The following CDH13 variants were observed in gnomAD, a reference collection of about 807,000 sequenced individuals.
CDH13 encodes cadherin-13.
In CDH13, 24 loss-of-function variants were observed where a neutral mutation model predicts 63.8. That is an observed-to-expected ratio of 0.38 (90% CI 0.27 to 0.53). The LOEUF (loss-of-function observed/expected upper bound fraction) is 0.53, where lower values mean the gene tolerates loss of function less well. Ranked by LOEUF, CDH13 falls within the 20% of genes least tolerant of loss-of-function variation. CDH13 has a pLI of 0.85. For missense variants in CDH13, 1,049 were observed against 903.1 expected, an observed-to-expected ratio of 1.16 and a Z score of -2.07; for synonymous variants, 503 against 355.3, an observed-to-expected ratio of 1.42 and a Z score of -4.67.
chr16:83,154,620 C>T (rs1168048304), intron 4 of CDH13, among the ~76,000 whole-genome samples: 1 of 151,826 alleles, frequency 6.6e-6, no homozygotes, highest in Non-Finnish European at 1.5e-5. Flanking sequence ...GATTAGGAGG[C>T]CGTAGTGTTA....
At chr16:82,719,807 C>G (rs1237145793) in intron 1 of CDH13, among the ~76,000 whole-genome samples, 1 of 141,470 alleles carries the variant, frequency 7.1e-6, no homozygotes, top group African/African-American at 2.6e-5. Context: ...GATCACGCCA[C>G]TGCACTCCAG....
At chr16:82,903,781 G>T (rs958522230) in intron 2 of CDH13, among the ~76,000 whole-genome samples, 2 of 152,134 alleles carry the variant, frequency 1.3e-5, no homozygotes, top group African/African-American at 4.8e-5. Flanking sequence ...AACCCTTAGA[G>T]CACCTTCATA....
intron 10 of CDH13, among the ~76,000 whole-genome samples, chr16:83,696,467 C>T (rs1598498309): frequency 2.0e-5 from 3 of 152,136 alleles, no homozygotes; most frequent in Middle Eastern, 6.8e-3. Context: ...AAGAGACGTC[C>T]TTCAAGCCCA....
At chr16:83,433,412 A>T (rs936117896) in intron 6 of CDH13, among the ~76,000 whole-genome samples, 1 of 152,220 alleles carries the variant, frequency 6.6e-6, no homozygotes, top group Non-Finnish European at 1.5e-5. Context: ...TTCAGCATTT[A>T]TGTGAATGTG....
At chr16:83,676,519 C>T (rs1035480522) in intron 9 of CDH13, among the ~76,000 whole-genome samples, 2 of 152,208 alleles carry the variant, frequency 1.3e-5, no homozygotes, top group African/African-American at 4.8e-5. Flanking sequence ...GTTGCACATT[C>T]TGGCATCACT....
intron 6 of CDH13, among the ~76,000 whole-genome samples, chr16:83,481,450 G>C (rs1010034323): frequency 1.3e-5 from 2 of 152,166 alleles, no homozygotes; most frequent in Non-Finnish European, 2.9e-5. Context: ...CTTTCTCAAG[G>C]GGTTGGCCGT....
At chr16:82,637,242 A>G (rs966549725) in intron 1 of CDH13, among the ~76,000 whole-genome samples, 2 of 152,102 alleles carry the variant, frequency 1.3e-5, no homozygotes, top group African/African-American at 2.4e-5. Context: ...GCAGTTCTGC[A>G]TGTTTTTGCA....
intron 5 of CDH13, among the ~76,000 whole-genome samples, chr16:83,281,013 A>T (rs2089154093): frequency 6.6e-6 from 1 of 152,202 alleles, no homozygotes; most frequent in Non-Finnish European, 1.5e-5. Context: ...GCCAATAAGC[A>T]TTTGCTTCAA....
At chr16:82,737,950 T>G (rs965383226) in intron 1 of CDH13, among the ~76,000 whole-genome samples, 2 of 152,200 alleles carry the variant, frequency 1.3e-5, no homozygotes, top group African/African-American at 2.4e-5. Context: ...GCCCCTCCAG[T>G]GTTTGTTGAT....
chr16:83,235,334 C>T (rs932409606), intron 5 of CDH13, among the ~76,000 whole-genome samples: 1 of 152,118 alleles, frequency 6.6e-6, no homozygotes, highest in Non-Finnish European at 1.5e-5. Context: ...TGCGGAGAAG[C>T]CCCGGTGTAA....
At chr16:83,108,291 C>G (rs889534575) in intron 3 of CDH13, among the ~76,000 whole-genome samples, 3 of 152,160 alleles carry the variant, frequency 2.0e-5, no homozygotes, top group African/African-American at 7.2e-5. Context: ...CAACTCTGTC[C>G]ATGCCCCACC....
intron 1 of CDH13, among the ~76,000 whole-genome samples, chr16:82,787,668 T>C (rs145072895): frequency 1.0e-3 from 159 of 152,258 alleles, no homozygotes; most frequent in African/African-American, 3.5e-3. Flanking sequence ...CCCAGAGAGG[T>C]GAATGGGCTT....
At chr16:83,273,096 C>G (rs894992223) in intron 5 of CDH13, among the ~76,000 whole-genome samples, 1 of 152,112 alleles carries the variant, frequency 6.6e-6, no homozygotes, top group Non-Finnish European at 1.5e-5. Flanking sequence ...AGCTGCTATC[C>G]ATTGAGCAGT....
chr16:82,659,581 A>G (rs1239777589), intron 1 of CDH13, among the ~76,000 whole-genome samples: 1 of 152,198 alleles, frequency 6.6e-6, no homozygotes, highest in Non-Finnish European at 1.5e-5. Flanking sequence ...TAACTCCCCT[A>G]TTGGGAATTT....
rs566078082 is a variant in CDH13, at chr16:83,490,997, T to A, written c.960+4342T>A. On this transcript the variant is annotated intron_variant, in intron 7 of 13. Transcript: ENST00000567109. ...CACTGGATAAAGATCTGTTAGGTTA[T>A]CAGGGTGGATGAGTGGATGACCTGT... Among the ~76,000 whole-genome samples, 6 of 152,344 alleles carry A rather than the reference T, an allele frequency of 3.9e-5. No homozygotes were observed. In the South Asian group the frequency reaches 1.2e-3, roughly 32 times the overall value.
chr16:82,711,742 T>C (rs1410044658), intron 1 of CDH13, among the ~76,000 whole-genome samples: 1 of 152,194 alleles, frequency 6.6e-6, no homozygotes, highest in Admixed American at 6.5e-5. Context: ...CTGGAACACA[T>C]TCTAAAGTTC....
At chr16:82,879,248 A>G (rs968431983) in intron 2 of CDH13, among the ~76,000 whole-genome samples, 1 of 152,000 alleles carries the variant, frequency 6.6e-6, no homozygotes, top group African/African-American at 2.4e-5. Flanking sequence ...TGTAACCTAG[A>G]AAAAGCTCCT....
chr16:82,988,429 A>G (rs943114380), intron 2 of CDH13, among the ~76,000 whole-genome samples: 2 of 152,088 alleles, frequency 1.3e-5, no homozygotes, highest in African/African-American at 2.4e-5. Flanking sequence ...CAGATGTTGA[A>G]GAACGTGGAA....
intron 2 of CDH13, among the ~76,000 whole-genome samples, chr16:82,955,507 A>T (rs908279369): frequency 6.6e-6 from 1 of 152,230 alleles, no homozygotes; most frequent in Non-Finnish European, 1.5e-5. Flanking sequence ...GCATGCTTTC[A>T]TCAGAAACAT....
Sources: allele counts gnomAD v4.1 joint callset (sites outside exome capture counted in the v4.1 genomes callset), GRCh38; gene constraint gnomAD v4.1.1; transcripts MANE v1.5; gene names NCBI Gene and HGNC (gene_info 2026-07-23, HGNC 2026-07-21).